RBFOX1: variants seen among roughly 807,000 people sequenced by gnomAD.
RBFOX1 encodes the protein RNA binding protein fox-1 homolog 1.
RBFOX1 carries 8 observed loss-of-function variants against 57.7 expected under a neutral mutation model. That is an observed-to-expected ratio of 0.14 (90% CI 0.08 to 0.25). The LOEUF (loss-of-function observed/expected upper bound fraction) is 0.25. Among genes scored for constraint, RBFOX1 ranks in the 10% least tolerant of loss-of-function variants. The probability of loss-of-function intolerance (pLI) is 1.00; values close to 1 mark genes in which losing one functional copy is unlikely to be tolerated. For missense variants in RBFOX1, 611 were observed against 548.5 expected, an observed-to-expected ratio of 1.11 and a Z score of -1.14; for synonymous variants, 326 against 222.4, an observed-to-expected ratio of 1.47 and a Z score of -4.15.
At chr16:7,391,036 T>A (rs535093107) in intron 4 of RBFOX1, among the ~76,000 whole-genome samples, 3 of 152,288 alleles carry the variant, frequency 2.0e-5, no homozygotes. Flanking sequence ...GGCTCATTGG[T>A]AAGCCTTGTT....
intron 5 of RBFOX1, among the ~76,000 whole-genome samples, chr16:7,568,613 C>T (rs749512068): frequency 1.4e-4 from 22 of 152,032 alleles, no homozygotes; most frequent in Middle Eastern, 6.8e-3. Context: ...TGGCTGGGCG[C>T]GGTGGCTCAT....
intron 3 of RBFOX1, among the ~76,000 whole-genome samples, chr16:6,737,932 T>G (rs1483207918): frequency 2.6e-5 from 4 of 152,110 alleles, no homozygotes; most frequent in Admixed American, 6.5e-5. Context: ...TTAAATAAGA[T>G]AATGAGTAAA....
At chr16:6,981,820 G>C (rs1047329514) in intron 3 of RBFOX1, among the ~76,000 whole-genome samples, 4 of 152,140 alleles carry the variant, frequency 2.6e-5, no homozygotes, top group Non-Finnish European at 5.9e-5. Context: ...GATGAGATTG[G>C]GGTGGGGACA....
At chr16:7,147,495 G>T (rs1600986213) in intron 4 of RBFOX1, among the ~76,000 whole-genome samples, 1 of 151,992 alleles carries the variant, frequency 6.6e-6, no homozygotes, top group African/African-American at 2.4e-5. Context: ...ATAGTCTCCA[G>T]TGTCTTTTGC....
intron 1 of RBFOX1, among the ~76,000 whole-genome samples, chr16:6,206,844 G>T (rs908301241): frequency 6.6e-6 from 1 of 151,972 alleles, no homozygotes; most frequent in African/African-American, 2.4e-5. Flanking sequence ...GTAATCCTTC[G>T]CTATTTTATA....
At chr16:7,426,821 G>A (rs771645233) in intron 4 of RBFOX1, among the ~76,000 whole-genome samples, 17 of 152,210 alleles carry the variant, frequency 1.1e-4, no homozygotes, top group Admixed American at 1.1e-3. Flanking sequence ...AAGGCAGGCT[G>A]TCTGGGGGAC....
intron 2 of RBFOX1, among the ~76,000 whole-genome samples, chr16:5,536,106 C>CCCT (rs1567204478): frequency 2.4e-4 from 36 of 147,476 alleles, no homozygotes; most frequent in African/African-American, 8.6e-4. Flanking sequence ...CCCCCCCCCC[C>CCCT]TTTTTTTTCT....
At position 7,045,563 on chromosome 16, in the gene RBFOX1, C is replaced by A. The variant is rs540890254; in HGVS notation, c.-15-6494C>A. Among the ~76,000 whole-genome samples, 16 of 152,244 alleles carry A rather than the reference C, an allele frequency of 1.1e-4. No homozygotes were observed. The South Asian group carries it at 3.1e-3, about 30-fold the overall frequency. On this transcript the variant is annotated intron_variant, in intron 3 of 15. Coordinates refer to ENST00000550418, the MANE Select transcript of RBFOX1 (RefSeq NM_018723.4). ...TCAGAGGTCAGTAGGCCCCCTGGTT[C>A]CTTCAGTGTCGTCATTGTGCTTTTG...
chr16:5,494,756 A>G (rs992365979), intron 2 of RBFOX1, among the ~76,000 whole-genome samples: 2 of 152,220 alleles, frequency 1.3e-5, no homozygotes, highest in African/African-American at 2.4e-5. Flanking sequence ...TTGGAATTAG[A>G]TGCTTAATAG....
At chr16:6,179,233 C>T (rs1311438853) in intron 1 of RBFOX1, among the ~76,000 whole-genome samples, 3 of 152,154 alleles carry the variant, frequency 2.0e-5, no homozygotes, top group African/African-American at 7.2e-5. Context: ...AACTATCCAA[C>T]GCCGAGGGTC....
intron 3 of RBFOX1, among the ~76,000 whole-genome samples, chr16:6,933,597 C>T (rs2076907663): frequency 6.6e-6 from 1 of 152,206 alleles, no homozygotes; most frequent in Non-Finnish European, 1.5e-5. Flanking sequence ...CCTGTCATCC[C>T]AGCTACTCCG....
At chr16:7,690,802 T>C (rs146685125) in intron 14 of RBFOX1, among the ~76,000 whole-genome samples, 15 of 152,188 alleles carry the variant, frequency 9.9e-5, no homozygotes, top group Admixed American at 2.0e-4. Context: ...TCTAAATCAA[T>C]AGTCTTAATG....
At chr16:7,395,683 A>T (rs1006450223) in intron 4 of RBFOX1, among the ~76,000 whole-genome samples, 7 of 152,200 alleles carry the variant, frequency 4.6e-5, no homozygotes, top group African/African-American at 1.7e-4. Flanking sequence ...TATTAAATAG[A>T]TGTGTCTATA....
intron 3 of RBFOX1, among the ~76,000 whole-genome samples, chr16:6,762,920 C>A (rs963895791): frequency 2.6e-5 from 4 of 152,136 alleles, no homozygotes; most frequent in African/African-American, 9.7e-5. Context: ...AAGGTAGCAT[C>A]TGAGCTGAAA....
intron 2 of RBFOX1, among the ~76,000 whole-genome samples, chr16:6,652,244 A>G (rs1040662163): frequency 9.2e-5 from 14 of 152,094 alleles, no homozygotes; most frequent in Admixed American, 5.9e-4. Context: ...AGGTCAAGAG[A>G]TCGAGAGCAT....
At chr16:5,479,427 C>G (rs1017798201) in intron 2 of RBFOX1, among the ~76,000 whole-genome samples, 1 of 152,114 alleles carries the variant, frequency 6.6e-6, no homozygotes, top group African/African-American at 2.4e-5. Context: ...AAAGCCACGC[C>G]AAGGCTGAGC....
chr16:6,842,142 G>GAAAA (rs1003554401), intron 3 of RBFOX1, among the ~76,000 whole-genome samples: 130 of 140,278 alleles, frequency 9.3e-4, no homozygotes, highest in African/African-American at 3.4e-3. Context: ...GACTGTCTCA[G>GAAAA]AAAAAAAAAT....
intron 3 of RBFOX1, among the ~76,000 whole-genome samples, chr16:5,715,200 G>T (rs180854207): frequency 5.3e-5 from 8 of 152,232 alleles, no homozygotes; most frequent in Non-Finnish European, 5.9e-5. Context: ...ACCCTGTTGT[G>T]TGTGTTTTTG....
intron 4 of RBFOX1, among the ~76,000 whole-genome samples, chr16:7,305,003 G>C (rs1030442492): frequency 6.8e-6 from 1 of 147,850 alleles, no homozygotes; most frequent in African/African-American, 2.5e-5. Flanking sequence ...GCATGGGATC[G>C]CAGCATTTGA....
Sources: allele counts gnomAD v4.1 joint callset (sites outside exome capture counted in the v4.1 genomes callset), GRCh38; gene constraint gnomAD v4.1.1; transcripts MANE v1.5; gene names NCBI Gene and HGNC (gene_info 2026-07-23, HGNC 2026-07-21).